The following BBOX1 variants were observed in gnomAD, a reference collection of about 807,000 sequenced individuals.
BBOX1 encodes gamma-butyrobetaine dioxygenase.
BBOX1 carries 35 observed loss-of-function variants against 41.6 expected under a neutral mutation model. That is an observed-to-expected ratio of 0.84 (90% CI 0.64 to 1.11). BBOX1 has a LOEUF of 1.11. Among genes scored for constraint, BBOX1 ranks in the 50% most tolerant of loss-of-function variants. BBOX1 has a pLI of 0.00. For synonymous variants in BBOX1, 163 were observed against 154.7 expected, an observed-to-expected ratio of 1.05 and a Z score of -0.40; for missense variants, 458 against 460.6, an observed-to-expected ratio of 0.99 and a Z score of 0.05.
rs113236502 is a variant in BBOX1, at chr11:27,047,965, T to G, written c.-39+6487T>G. Among the ~76,000 whole-genome samples, 813 of 152,278 alleles carry G rather than the reference T, an allele frequency of 5.3e-3. 10 individuals are homozygous for G. The highest frequency in any genetic ancestry group is 0.018 in the African/African-American group (762 of 41,568). On this transcript the variant is annotated intron_variant, in intron 2 of 8. Transcript: ENST00000263182. ...AATCTTTTTTCACTTTATGTTGTTA[T>G]TTTTCCTGTTTTATTGAGGTAAATT... is the stretch of plus-strand genomic sequence containing the variant.
intron 4 of BBOX1, among the ~76,000 whole-genome samples, chr11:27,070,115 G>C (rs1413023384): frequency 2.0e-5 from 3 of 152,006 alleles, no homozygotes; most frequent in Non-Finnish European, 4.4e-5. Flanking sequence ...TTATTCCACT[G>C]TGTTCTGAGA....
intron 2 of BBOX1, among the ~76,000 whole-genome samples, chr11:27,042,862 T>C (rs551972132): frequency 6.6e-6 from 1 of 152,216 alleles, no homozygotes; most frequent in South Asian, 2.1e-4. Flanking sequence ...TATTGTCTGG[T>C]CAACCTCCAC....
At chr11:27,112,103 T>C (rs1859090199) in intron 5 of BBOX1, among the ~76,000 whole-genome samples, 1 of 151,908 alleles carries the variant, frequency 6.6e-6, no homozygotes, top group Non-Finnish European at 1.5e-5. Flanking sequence ...GCACCATGAG[T>C]ATGTACTCAA....
intron 4 of BBOX1, among the ~76,000 whole-genome samples, chr11:27,061,880 C>T (rs1857142979): frequency 6.6e-6 from 1 of 152,128 alleles, no homozygotes; most frequent in South Asian, 2.1e-4. Flanking sequence ...TGTGCCAGGA[C>T]CTCTGTAAGG....
At chr11:27,058,883 G>T (rs892217813) in intron 4 of BBOX1, among the ~76,000 whole-genome samples, 2 of 152,184 alleles carry the variant, frequency 1.3e-5, no homozygotes, top group African/African-American at 4.8e-5. Context: ...TGAAAATTTT[G>T]TAACCTATTC....
Position 27,063,438 on chromosome 11 carries a change from T to A in BBOX1, c.334+6123T>A, listed in dbSNP as rs191081261. Among the ~76,000 whole-genome samples the A allele has an allele frequency of 8.0e-4, 122 of 152,266 alleles. No individual in the cohort carries two copies. In the Middle Eastern group the frequency reaches 0.01, roughly 13 times the overall value. ...TATGATATACATATGAAGCTAAATA[T>A]TTGTTCTTTTTATTAATCCTCAATA... On this transcript the variant is annotated intron_variant, in intron 4 of 8. Coordinates refer to ENST00000263182, the MANE Select transcript of BBOX1 (RefSeq NM_003986.3).
At chr11:27,119,191 A>G (rs1859374235) in intron 6 of BBOX1, among the ~76,000 whole-genome samples, 1 of 151,888 alleles carries the variant, frequency 6.6e-6, no homozygotes, top group Non-Finnish European at 1.5e-5. Flanking sequence ...GCACATCATT[A>G]TTTCTGTCAC....
chr11:27,070,200 GA>G (rs1857400701), intron 4 of BBOX1, among the ~76,000 whole-genome samples: 1 of 151,996 alleles, frequency 6.6e-6, no homozygotes, highest in Admixed American at 6.6e-5. Context: ...GTCTGTCTTG[GA>G]AAACCTTCCA....
At chr11:27,063,805 A>G (rs531624095) in intron 4 of BBOX1, among the ~76,000 whole-genome samples, 1 of 152,342 alleles carries the variant, frequency 6.6e-6, no homozygotes, top group South Asian at 2.1e-4. Context: ...AGAGGAAGTG[A>G]AAACTCACAA....
intron 4 of BBOX1, chr11:27,066,589 C>A (rs1380791050): frequency 6.7e-6 from 1 of 149,732 alleles, no homozygotes; most frequent in Non-Finnish European, 1.5e-5. Flanking sequence ...ACTTAAATTT[C>A]TTCTTTTAGA....
intron 4 of BBOX1, among the ~76,000 whole-genome samples, chr11:27,083,366 A>G (rs1159204530): frequency 6.6e-6 from 1 of 152,128 alleles, no homozygotes; most frequent in Admixed American, 6.6e-5. Context: ...ATCTAGCGGA[A>G]GAGACAGAGC....
intron 5 of BBOX1, among the ~76,000 whole-genome samples, chr11:27,108,683 A>T (rs1858949208): frequency 6.6e-6 from 1 of 152,072 alleles, no homozygotes; most frequent in Non-Finnish European, 1.5e-5. Context: ...CTGTTTCCAC[A>T]TCATGGCCAC....
chr11:27,070,552 G>T (rs577830168), intron 4 of BBOX1, among the ~76,000 whole-genome samples: 2 of 151,950 alleles, frequency 1.3e-5, no homozygotes, highest in Non-Finnish European at 2.9e-5. Flanking sequence ...TTGCTTTAAA[G>T]TCTGTTTAAT....
In BBOX1 at chr11:27,093,206, T is replaced by C; in HGVS notation, c.373T>C (p.Leu125=). ...GGGCTCAGAGCTCCAGCTACCCACT[T>C]TGGATTTTGAAGATGTTTTAAGATA... The part of the protein sequence containing the change: ...YWGSELQLPT[L]DFEDVLRYDE... Residue 125 remains leucine, a synonymous_variant, in exon 5 of 9, where the codon TTG becomes CTG. Transcript: ENST00000263182. 1 of 1,612,262 alleles carries C rather than the reference T, an allele frequency of 6.2e-7. No homozygotes were observed. Among genetic ancestry groups the C allele is most frequent in the East Asian group, 2.2e-5 (1 of 44,806 alleles).
chr11:27,061,558 G>A (rs749799447), intron 4 of BBOX1, among the ~76,000 whole-genome samples: 1 of 152,270 alleles, frequency 6.6e-6, no homozygotes, highest in African/African-American at 2.4e-5. Flanking sequence ...ATATTCCAGA[G>A]CATGCAAACA....
At chr11:27,042,365 G>A (rs1002271953) in intron 2 of BBOX1, among the ~76,000 whole-genome samples, 1 of 152,164 alleles carries the variant, frequency 6.6e-6, no homozygotes, top group Admixed American at 6.5e-5. Flanking sequence ...TGTTGTTATT[G>A]TTGCTGAGAT....
chr11:27,059,851 C>T (rs1857089137), intron 4 of BBOX1, among the ~76,000 whole-genome samples: 1 of 152,108 alleles, frequency 6.6e-6, no homozygotes, highest in Admixed American at 6.5e-5. Flanking sequence ...GAATGATTAC[C>T]CAATGCTTAT....
intron 7 of BBOX1, among the ~76,000 whole-genome samples, chr11:27,123,399 A>C (rs2134113363): frequency 6.6e-6 from 1 of 152,300 alleles, no homozygotes; most frequent in Middle Eastern, 3.4e-3. Context: ...TAATTAGCAT[A>C]ACCATTCAAA....
intron 2 of BBOX1, among the ~76,000 whole-genome samples, chr11:27,050,276 C>G (rs899191119): frequency 2.6e-5 from 4 of 152,048 alleles, no homozygotes; most frequent in African/African-American, 9.7e-5. Flanking sequence ...ATTTTGGGAT[C>G]TGATAATGTG....
Sources: gnomAD v4.1 joint callset for allele counts (sites outside exome capture counted in the v4.1 genomes callset) on GRCh38, gnomAD v4.1.1 for gene constraint, MANE v1.5 for transcripts, NCBI Gene and HGNC (gene_info 2026-07-23, HGNC 2026-07-21) for gene names.